SCFD2: variants seen among roughly 807,000 people sequenced by gnomAD.
SCFD2 encodes the protein sec1 family domain-containing protein 2.
SCFD2 carries 54 observed loss-of-function variants against 58.9 expected under a neutral mutation model. The ratio of observed to expected loss-of-function variants is 0.92; its 90% CI spans 0.74 to 1.15. The LOEUF is 1.15. Among genes scored for constraint, SCFD2 ranks in the 50% most tolerant of loss-of-function variants. The pLI, the probability that SCFD2 is intolerant of heterozygous loss-of-function variation, is 0.00. For missense variants in SCFD2, 805 were observed against 836.6 expected, an observed-to-expected ratio of 0.96 and a Z score of 0.47; for synonymous variants, 321 against 335.9, an observed-to-expected ratio of 0.96 and a Z score of 0.49.
At chr4:52,976,549 A>G (rs570320801) in intron 5 of SCFD2, among the ~76,000 whole-genome samples, 1 of 152,302 alleles carries the variant, frequency 6.6e-6, no homozygotes, top group South Asian at 2.1e-4. Context: ...CAGCAGCCCA[A>G]ACTAGAAATA....
chr4:53,337,611 C>T (rs554343527), intron 2 of SCFD2, among the ~76,000 whole-genome samples: 221 of 152,248 alleles, frequency 1.5e-3, no homozygotes, highest in African/African-American at 5.1e-3. Flanking sequence ...CAATATAGCA[C>T]CCCCAAAACA....
chr4:52,897,513 G>T (rs529426921), intron 7 of SCFD2, among the ~76,000 whole-genome samples: 1 of 152,188 alleles, frequency 6.6e-6, no homozygotes, highest in Admixed American at 6.5e-5. Flanking sequence ...AAGCCCAGTT[G>T]ATCATGGTGG....
At chr4:53,123,251 A>C (rs1159375135) in intron 5 of SCFD2, among the ~76,000 whole-genome samples, 1 of 152,260 alleles carries the variant, frequency 6.6e-6, no homozygotes, top group Admixed American at 6.5e-5. Flanking sequence ...AGAAACAGAA[A>C]GCAAGATTTG....
At chr4:53,135,657 G>A (rs564754871) in intron 5 of SCFD2, among the ~76,000 whole-genome samples, 52 of 152,048 alleles carry the variant, frequency 3.4e-4, no homozygotes, top group Admixed American at 1.3e-3. Flanking sequence ...CAGGAGAATC[G>A]CTGGAATCCA....
chr4:52,906,800 T>C (rs1262475842), intron 7 of SCFD2, among the ~76,000 whole-genome samples: 1 of 152,226 alleles, frequency 6.6e-6, no homozygotes, highest in Non-Finnish European at 1.5e-5. Context: ...TTATTACAAG[T>C]GAAATCCTGG....
intron 5 of SCFD2, among the ~76,000 whole-genome samples, chr4:53,028,739 A>C (rs2148817525): frequency 6.6e-6 from 1 of 152,298 alleles, no homozygotes; most frequent in East Asian, 1.9e-4. Flanking sequence ...CAAGTATTTT[A>C]TGGGTTAAGT....
intron 5 of SCFD2, among the ~76,000 whole-genome samples, chr4:53,031,008 A>G (rs113423597): frequency 0.041 from 6,243 of 152,314 alleles, 140 homozygotes; most frequent in Middle Eastern, 0.085. Flanking sequence ...GAAAGAAGCT[A>G]TATTTAAAAG....
chr4:53,048,952 A>T (rs995969166), intron 5 of SCFD2, among the ~76,000 whole-genome samples: 11 of 151,914 alleles, frequency 7.2e-5, no homozygotes, highest in African/African-American at 2.4e-4. Flanking sequence ...GTCTCAAATA[A>T]ATAAATAAAT....
intron 2 of SCFD2, among the ~76,000 whole-genome samples, chr4:53,350,882 G>A (rs1734198357): frequency 6.6e-6 from 1 of 152,172 alleles, no homozygotes; most frequent in East Asian, 1.9e-4. Flanking sequence ...GCTAATTTTT[G>A]TATTTTTAGT....
chr4:53,180,224 A>G (rs1228555936), intron 4 of SCFD2, among the ~76,000 whole-genome samples: 1 of 152,134 alleles, frequency 6.6e-6, no homozygotes, highest in Non-Finnish European at 1.5e-5. Context: ...CAACACACCT[A>G]CTCCAAAATT....
intron 8 of SCFD2, among the ~76,000 whole-genome samples, chr4:52,883,388 T>G (rs1037683726): frequency 2.0e-5 from 3 of 152,242 alleles, no homozygotes; most frequent in African/African-American, 7.2e-5. Flanking sequence ...TTTCCCCTGC[T>G]GCCTGAGGAA....
intron 5 of SCFD2, 123 bp from the exon 6 acceptor site, chr4:52,920,993 G>A: frequency 2.2e-6 from 1 of 446,204 alleles, no homozygotes; most frequent in East Asian, 3.7e-5. Flanking sequence ...TATTATTATT[G>A]TTATTTTTTA....
intron 2 of SCFD2, among the ~76,000 whole-genome samples, chr4:53,351,158 G>A (rs757414938): frequency 3.3e-5 from 5 of 152,158 alleles, no homozygotes; most frequent in South Asian, 2.1e-4. Context: ...TTTCCCAAAC[G>A]TAAAATGCTT....
chr4:53,290,527 G>A (rs574514961), intron 3 of SCFD2, among the ~76,000 whole-genome samples: 50 of 152,036 alleles, frequency 3.3e-4, no homozygotes, highest in Middle Eastern at 3.4e-3. Flanking sequence ...AAGAAGATCC[G>A]AAATAAATAG....
intron 4 of SCFD2, among the ~76,000 whole-genome samples, chr4:53,248,265 A>T (rs1012707856): frequency 2.0e-5 from 3 of 152,190 alleles, no homozygotes; most frequent in African/African-American, 4.8e-5. Context: ...CCTGGCTTGG[A>T]GGGTCCTACA....
intron 5 of SCFD2, among the ~76,000 whole-genome samples, chr4:53,070,490 A>C (rs892264549): frequency 6.6e-6 from 1 of 152,128 alleles, no homozygotes; most frequent in Non-Finnish European, 1.5e-5. Flanking sequence ...AGGGTAGATA[A>C]ATTTTAAATT....
chr4:53,195,968 A>G (rs527556853), intron 4 of SCFD2, among the ~76,000 whole-genome samples: 1 of 152,282 alleles, frequency 6.6e-6, no homozygotes, highest in Non-Finnish European at 1.5e-5. Context: ...TTCTCATTTT[A>G]TTGGACCAAA....
At chr4:53,259,893 G>T (rs1396106360) in intron 4 of SCFD2, among the ~76,000 whole-genome samples, 1 of 151,162 alleles carries the variant, frequency 6.6e-6, no homozygotes, top group African/African-American at 2.4e-5. Context: ...ATGATTTCTT[G>T]CAGTAGTGTT....
intron 5 of SCFD2, among the ~76,000 whole-genome samples, chr4:53,091,516 A>C (rs1219946998): frequency 1.3e-5 from 2 of 152,146 alleles, no homozygotes; most frequent in Non-Finnish European, 2.9e-5. Context: ...CAGAATCTAG[A>C]AAATAACATA....
Sources: allele counts gnomAD v4.1 joint callset (sites outside exome capture counted in the v4.1 genomes callset), GRCh38; gene constraint gnomAD v4.1.1; transcripts MANE v1.5; gene names NCBI Gene and HGNC (gene_info 2026-07-23, HGNC 2026-07-21).